PCDHA9: variants seen among roughly 807,000 people sequenced by gnomAD.
PCDHA9 encodes the protein protocadherin alpha 9, also known as protocadherin alpha-9.
In PCDHA9, 62 loss-of-function variants were observed where a neutral mutation model predicts 62.0. The observed-to-expected ratio is 1.00, with a 90% CI of 0.81 to 1.23. The LOEUF (loss-of-function observed/expected upper bound fraction) is 1.23. Ranked by LOEUF, PCDHA9 falls within the 50% of genes most tolerant of loss-of-function variation. PCDHA9 has a pLI of 0.00. For missense variants in PCDHA9, 1,205 were observed against 1,249.8 expected (o/e 0.96, Z 0.54); for synonymous variants, 557 against 567.6 (o/e 0.98, Z 0.27).
chr5:140,989,373 C>G (rs1189877807), intron 3 of PCDHA9, among the ~76,000 whole-genome samples: 1 of 152,088 alleles, frequency 6.6e-6, no homozygotes, highest in Non-Finnish European at 1.5e-5. Flanking sequence ...TGACTGAGAG[C>G]TTTGTGGGAA....
Position 140,863,280 on chromosome 5 carries a change from C to T in PCDHA9, c.2394+12391C>T, listed in dbSNP as rs782682336. The T allele has an allele frequency of 3.4e-6, 5 of 1,461,684 alleles. No individual in the cohort carries two copies. The African/African-American group carries it at 5.7e-5, about 17-fold the overall frequency. 90.5% of individuals were successfully genotyped at this position (1,461,684 alleles called of 1,614,324 possible). A position where few individuals can be genotyped will look rare whatever the true frequency, so the allele number is the denominator to read the frequency against. On this transcript the variant is annotated intron_variant, in intron 1 of 3. Coordinates refer to ENST00000532602, the MANE Select transcript of PCDHA9 (RefSeq NM_031857.2). ...TCCGGGAGGCAGCGCTGGTGGATGT[C>T]AACGTGTACCTGATCATCGCCATCT...
At chr5:140,987,544 A>G (rs1316604535) in intron 3 of PCDHA9, among the ~76,000 whole-genome samples, 1 of 152,180 alleles carries the variant, frequency 6.6e-6, no homozygotes, top group Non-Finnish European at 1.5e-5. Context: ...CCATTACTTA[A>G]CTTTCCTGAT....
Position 140,892,378 on chromosome 5 carries a change from A to G in PCDHA9, c.2394+41489A>G, listed in dbSNP as rs13360703. 4.7e-3 allele frequency among the ~76,000 whole-genome samples: 722 copies of G among 152,344 alleles called. 7 individuals are homozygous for G. Among genetic ancestry groups the G allele is most frequent in the African/African-American group, 0.016 (672 of 41,584 alleles). On this transcript the variant is annotated intron_variant, in intron 1 of 3. Coordinates refer to ENST00000532602, the MANE Select transcript of PCDHA9 (RefSeq NM_031857.2). Reference sequence around the variant, plus strand: ...CAGGCATCTTGGGGCACTAGCAATCATGGGTAATCTTAATCTATTTCAAGC... The same window carrying G: ...CAGGCATCTTGGGGCACTAGCAATCGTGGGTAATCTTAATCTATTTCAAGC...
chr5:140,891,426 C>A lies in PCDHA9; in HGVS notation c.2394+40537C>A, dbSNP rs76102230. On this transcript the variant is annotated intron_variant, in intron 1 of 3. Transcript: ENST00000532602. ...CCACCCCCCACTCTTGCCCCCAAGTCCCCAACGTCCATTGTATAGGATTTT... is the reference window on the plus strand; with the variant it reads ...CCACCCCCCACTCTTGCCCCCAAGTACCCAACGTCCATTGTATAGGATTTT... Among the ~76,000 whole-genome samples, 774 of 148,652 alleles carry A rather than the reference C, an allele frequency of 5.2e-3. 4 individuals are homozygous for A. Among genetic ancestry groups the A allele is most frequent in the African/African-American group, 0.018 (747 of 40,514 alleles).
intron 1 of PCDHA9, chr5:140,861,406 T>C (rs1301419453): frequency 2.3e-5 from 11 of 470,150 alleles, no homozygotes; most frequent in African/African-American, 2.2e-4. Flanking sequence ...CTTGTGGAGC[T>C]GATACCGCGC....
chr5:140,954,992 G>A (rs1017301016), intron 1 of PCDHA9, among the ~76,000 whole-genome samples: 1 of 152,094 alleles, frequency 6.6e-6, no homozygotes, highest in Non-Finnish European at 1.5e-5. Flanking sequence ...TTCTGCATAT[G>A]GCTAGCCAAT....
chr5:140,981,407 C>G (rs1410838924), intron 2 of PCDHA9, among the ~76,000 whole-genome samples: 1 of 152,042 alleles, frequency 6.6e-6, no homozygotes, highest in Non-Finnish European at 1.5e-5. Flanking sequence ...AAACCTGTCT[C>G]TACTAAAAAT....
chr5:140,937,288 C>T (rs1473599964), intron 1 of PCDHA9, among the ~76,000 whole-genome samples: 1 of 152,072 alleles, frequency 6.6e-6, no homozygotes, highest in African/African-American at 2.4e-5. Context: ...TCACCCGCTT[C>T]GGCCTCCCAA....
chr5:140,862,039 C>A (rs1554155581), intron 1 of PCDHA9: 1 of 155,382 alleles, frequency 6.4e-6, no homozygotes, highest in African/African-American at 2.4e-5. Context: ...GGGTTCAAAC[C>A]GTCACATTGT....
At chr5:140,966,677 A>C in intron 1 of PCDHA9, 1 of 1,313,088 alleles carries the variant, frequency 7.6e-7, no homozygotes, top group Non-Finnish European at 9.8e-7. Flanking sequence ...GCAGGGTGGC[A>C]CGAGCGGAGG....
chr5:140,851,439 G>C (rs2042060539), intron 1 of PCDHA9: 1 of 927,140 alleles, frequency 1.1e-6, no homozygotes, highest in African/African-American at 1.8e-5. Flanking sequence ...GAAAACAGTT[G>C]CTCCACTTTA....
intron 1 of PCDHA9, chr5:140,864,603 C>A (rs1230930036): frequency 3.3e-5 from 5 of 152,210 alleles, no homozygotes; most frequent in Non-Finnish European, 7.3e-5. Flanking sequence ...AGATAGCCAA[C>A]AACTTTGTTC....
chr5:140,858,016 G>T, intron 1 of PCDHA9: 1 of 1,596,850 alleles, frequency 6.3e-7, no homozygotes, highest in Non-Finnish European at 8.6e-7. Context: ...ATGGCGAGCC[G>T]TCGCTGACGG....
chr5:140,871,143 G>C (rs2052747767), intron 1 of PCDHA9: 1 of 1,613,356 alleles, frequency 6.2e-7, no homozygotes, highest in South Asian at 1.1e-5. Context: ...CCTCTTCCCG[G>C]ACTTTGGCGG....
At chr5:140,883,121 G>A in intron 1 of PCDHA9, 3 of 1,614,070 alleles carry the variant, frequency 1.9e-6, no homozygotes, top group Non-Finnish European at 2.5e-6. Context: ...TAGAAGGCCT[G>A]TATGGCCTGC....
At chr5:140,882,108 A>T in intron 1 of PCDHA9, 4 of 1,370,912 alleles carry the variant, frequency 2.9e-6, no homozygotes, top group Non-Finnish European at 3.9e-6. Context: ...TCCGCGAAGA[A>T]AGCCGCCGTT....
At position 140,917,487 on chromosome 5, in the gene PCDHA9, A is replaced by T. The variant is rs1303002890; in HGVS notation, c.2395-61462A>T. Among the ~76,000 whole-genome samples, 3 of 152,232 alleles carry T rather than the reference A, an allele frequency of 2.0e-5. No individual in the cohort carries two copies. The East Asian group carries it at 5.8e-4, about 29-fold the overall frequency. The stretch of plus-strand genomic sequence containing the variant: ...TGTCATGAAATCTTTGCCAGGGCCT[A>T]TGCCCAGAATGATATTTTCTAGGTT... On this transcript the variant is annotated intron_variant, in intron 1 of 3. Coordinates refer to ENST00000532602, the MANE Select transcript of PCDHA9 (RefSeq NM_031857.2).
intron 1 of PCDHA9, among the ~76,000 whole-genome samples, chr5:140,897,009 ATAC>A (rs2065839600): frequency 6.6e-6 from 1 of 152,174 alleles, no homozygotes. Flanking sequence ...ATTTTTAAAT[ATAC>A]AACTAAATTA....
chr5:140,941,475 C>T (rs1554214513), intron 1 of PCDHA9, among the ~76,000 whole-genome samples: 1 of 151,578 alleles, frequency 6.6e-6, no homozygotes, highest in Non-Finnish European at 1.5e-5. Context: ...ACCACCACGC[C>T]TGGCTAATTT....
Sources: allele counts gnomAD v4.1 joint callset (sites outside exome capture counted in the v4.1 genomes callset), GRCh38; gene constraint gnomAD v4.1.1; transcripts MANE v1.5; gene names NCBI Gene and HGNC (gene_info 2026-07-23, HGNC 2026-07-21).